The following ATP5F1D variants were observed in gnomAD, a reference collection of about 807,000 sequenced individuals.
The protein encoded by ATP5F1D is ATP synthase F1 subunit delta.
In ATP5F1D, 16 loss-of-function variants were observed where a neutral mutation model predicts 13.0. The ratio of observed to expected loss-of-function variants is 1.23; its 90% confidence interval spans 0.83 to 1.87. The LOEUF (loss-of-function observed/expected upper bound fraction) is 1.87. ATP5F1D is among the 40% of genes most tolerant of loss of function. The probability of loss-of-function intolerance (pLI) is 0.00; values close to 1 mark genes in which losing one functional copy is unlikely to be tolerated. For missense variants in ATP5F1D, 294 were observed against 246.2 expected, an observed-to-expected ratio of 1.19 and a Z score of -1.30; for synonymous variants, 129 against 116.2, an observed-to-expected ratio of 1.11 and a Z score of -0.71.
chr19:1,242,199 C>G (rs887027872), intron 1 of ATP5F1D: 2 of 795,884 alleles, frequency 2.5e-6, no homozygotes, highest in African/African-American at 3.6e-5. Flanking sequence ...TAAGCGTCTC[C>G]TGGGTGCCCT....
chr19:1,244,074 T>C (rs894785935), intron 2 of ATP5F1D, 23 bp from the exon 3 acceptor site: 6 of 1,598,650 alleles, frequency 3.8e-6, no homozygotes, highest in Non-Finnish European at 5.1e-6. Flanking sequence ...GTCTCACGCC[T>C]TCCCCCCGCC....
chr19:1,242,472 C>A lies in ATP5F1D; in HGVS notation c.158C>A (p.Ala53Asp). 6.5e-7 allele frequency: 1 copy of A among 1,532,048 alleles called. No individual in the cohort carries two copies. Among genetic ancestry groups the A allele is most frequent in the South Asian group, 1.2e-5 (1 of 82,384 alleles). 94.9% of individuals were successfully genotyped at this position (1,532,048 alleles called of 1,614,324 possible). A position where few individuals can be genotyped will look rare whatever the true frequency, so the allele number is the denominator to read the frequency against. ...ASPTQVFFNG[A>D]NVRQVDVPTL... ...TGTCTGCAGGTGTTCTTCAACGGTGCCAACGTCCGGCAGGTGGACGTGCCC... is the reference window on the plus strand; with the variant it reads ...TGTCTGCAGGTGTTCTTCAACGGTGACAACGTCCGGCAGGTGGACGTGCCC... Residue 53 changes from alanine (A) to aspartate (D), a missense_variant, in exon 2 of 4, where the codon GCC (alanine) becomes GAC (aspartate). By Grantham distance (126) the Ala-to-Asp change is moderately radical. Transcript: ENST00000215375.
At chr19:1,242,424 C>G (rs759809636) in intron 1 of ATP5F1D, 32 bp from the exon 2 acceptor site, 1 of 1,479,446 alleles carries the variant, frequency 6.8e-7, no homozygotes, top group South Asian at 1.3e-5. Context: ...GCCGGCCTGC[C>G]CCGCCATCAT....
At position 1,244,651 on chromosome 19, in the gene ATP5F1D, T is replaced by A. The variant is rs574201337; in HGVS notation, c.*214T>A. On this transcript the variant is annotated 3_prime_UTR_variant, in exon 4 of 4. Transcript: ENST00000215375. Reference sequence around the variant, plus strand: ...GGGAAGCTCCTCCTCAGCTTTGAGCTGTGGCTGCCACCCATGGGGCTCTCC... The same window carrying A: ...GGGAAGCTCCTCCTCAGCTTTGAGCAGTGGCTGCCACCCATGGGGCTCTCC... 1 of 712,812 alleles carries A rather than the reference T, an allele frequency of 1.4e-6. No individual in the cohort carries two copies. The highest frequency in any genetic ancestry group is 1.8e-5 in the African/African-American group (1 of 55,630). The allele number at this position is 712,812 out of a possible 1,614,324, so 44.2% of individuals were successfully genotyped here. A position where few individuals can be genotyped will look rare whatever the true frequency, so the allele number is the denominator to read the frequency against.
intron 2 of ATP5F1D, among the ~76,000 whole-genome samples, chr19:1,243,637 C>A (rs2081048226): frequency 6.6e-6 from 1 of 152,116 alleles, no homozygotes; most frequent in Non-Finnish European, 1.5e-5. Flanking sequence ...GCCTGAGCAA[C>A]AAGAGTGAGA....
At chr19:1,242,257 C>G (rs1248966137) in intron 1 of ATP5F1D, 199 bp from the exon 2 acceptor site, 8 of 783,544 alleles carry the variant, frequency 1.0e-5, no homozygotes, top group Non-Finnish European at 3.6e-6. Flanking sequence ...TCGTTGCATT[C>G]CCATTTCGCG....
In ATP5F1D at chr19:1,244,784, A is replaced by G; in HGVS notation, c.*347A>G. The stretch of plus-strand genomic sequence containing the variant: ...CAGCTTCGGAGCCACCTCTGGATGA[A>G]CTGCCCCCAGCCCCCGCCCCATTAA... On this transcript the variant is annotated 3_prime_UTR_variant, in exon 4 of 4. Coordinates refer to ENST00000215375, the MANE Select transcript of ATP5F1D (RefSeq NM_001687.5). The G allele has an allele frequency of 8.0e-6, 2 of 250,210 alleles. No homozygotes were observed. The highest frequency in any genetic ancestry group is 6.1e-5 in the South Asian group (1 of 16,430). 15.5% of individuals were successfully genotyped at this position (250,210 alleles called of 1,614,324 possible). A position where few individuals can be genotyped will look rare whatever the true frequency, so the allele number is the denominator to read the frequency against.
chr19:1,243,962 T>C (rs770872260), intron 2 of ATP5F1D, 135 bp from the exon 3 acceptor site: 16 of 901,696 alleles, frequency 1.8e-5, no homozygotes, highest in Non-Finnish European at 2.7e-5. Flanking sequence ...GTGGGTCTGT[T>C]TGCACACTCA....
In ATP5F1D at chr19:1,244,662, C is replaced by T. The variant is rs2081054823; in HGVS notation, c.*225C>T. ...CCTCAGCTTTGAGCTGTGGCTGCCA[C>T]CCATGGGGCTCTCCTTCCGCCTCTC... On this transcript the variant is annotated 3_prime_UTR_variant, in exon 4 of 4. Coordinates refer to ENST00000215375, the MANE Select transcript of ATP5F1D (RefSeq NM_001687.5). 1.6e-6 allele frequency: 1 copy of T among 642,050 alleles called. No individual in the cohort carries two copies. The highest frequency in any genetic ancestry group is 2.6e-6 in the Non-Finnish European group (1 of 389,972). 39.8% of individuals were successfully genotyped at this position (642,050 alleles called of 1,614,324 possible).
Position 1,241,901 on chromosome 19 carries a change from C to T in ATP5F1D, c.51C>T (p.Arg17=). ...GCCCGGGACTTGGCCGCCTCGTCCG[C>T]CACGCCCGTGCCTATGCCGAGGCCG... ...LRRPGLGRLV[R]HARAYAEAAA... The change falls in exon 1 of 4, where the codon CGC becomes CGT. Residue 17 remains arginine (R), a synonymous_variant. Coordinates refer to ENST00000215375, the MANE Select transcript of ATP5F1D (RefSeq NM_001687.5). 1 of 1,471,674 alleles carries T rather than the reference C, an allele frequency of 6.8e-7. No homozygotes were observed. 91.2% of individuals were successfully genotyped at this position (1,471,674 alleles called of 1,614,324 possible).
At chr19:1,244,013 G>A (rs2081049978) in intron 2 of ATP5F1D, 84 bp from the exon 3 acceptor site, 3 of 1,351,838 alleles carry the variant, frequency 2.2e-6, no homozygotes, top group Non-Finnish European at 3.1e-6. Flanking sequence ...TGGTTCACAG[G>A]GGGCTCTGGA....
chr19:1,242,064 G>T, intron 1 of ATP5F1D, 73 bp downstream of exon 1: 1 of 1,292,578 alleles, frequency 7.7e-7, no homozygotes, highest in South Asian at 2.6e-5. Context: ...CCCAGGGCGC[G>T]ACCCCCGCTT....
At chr19:1,242,088 C>G in intron 1 of ATP5F1D, 97 bp downstream of exon 1, 2 of 1,248,546 alleles carry the variant, frequency 1.6e-6, no homozygotes, top group Non-Finnish European at 2.0e-6. Flanking sequence ...GGCCCCCGGA[C>G]CCGCGCGCCC....
Position 1,242,515 on chromosome 19 carries a change from C to A in ATP5F1D, c.201C>A (p.Phe67Leu). The A allele has an allele frequency of 6.4e-7, 1 of 1,551,764 alleles. No homozygotes were observed. The highest frequency in any genetic ancestry group is 8.7e-7 in the Non-Finnish European group (1 of 1,148,060). ...QVDVPTLTGA[F>L]GILAAHVPTL... is the part of the protein sequence containing the mutation. The stretch of plus-strand genomic sequence containing the variant: ...ACGTGCCCACGCTGACCGGAGCCTT[C>A]GGCATCCTGGCGGCCCACGTGCCCA... The change falls in exon 2 of 4, where the codon TTC becomes TTA. Residue 67 changes from phenylalanine (F) to leucine (L), a missense_variant. Phe to Leu is a conservative substitution (Grantham distance 22). Coordinates refer to ENST00000215375, the MANE Select transcript of ATP5F1D (RefSeq NM_001687.5).
At position 1,244,310 on chromosome 19, in the gene ATP5F1D, T is replaced by C. The variant is rs371298161; in HGVS notation, c.385-5T>C. ...GGCCCCTCACCGCCCCTCAACCCCTTGCAGGCAGCCAAGGCAAACTTGGAG... is the reference window on the plus strand; with the variant it reads ...GGCCCCTCACCGCCCCTCAACCCCTCGCAGGCAGCCAAGGCAAACTTGGAG... On this transcript the variant is annotated splice_region_variant and splice_polypyrimidine_tract_variant and intron_variant, in intron 3 of 3. Transcript: ENST00000215375. The C allele has an allele frequency of 5.6e-6, 9 of 1,593,020 alleles. No individual in the cohort carries two copies. Among genetic ancestry groups the C allele is most frequent in the South Asian group, 4.5e-5 (4 of 88,106 alleles).
chr19:1,242,240 C>A, intron 1 of ATP5F1D: 1 of 764,482 alleles, frequency 1.3e-6, no homozygotes, highest in Non-Finnish European at 1.8e-6. Context: ...GCCTGGGTGT[C>A]GCCGGATCGT....
intron 2 of ATP5F1D, chr19:1,243,417 C>T (rs1005070548): frequency 6.6e-6 from 1 of 152,066 alleles, no homozygotes; most frequent in Non-Finnish European, 1.5e-5. Context: ...GTAATCCTAG[C>T]ACTTTGGAAG....
intron 2 of ATP5F1D, 62 bp downstream of exon 2, chr19:1,242,671 T>C: frequency 7.1e-7 from 1 of 1,408,696 alleles, no homozygotes. Flanking sequence ...CAGGTCAGTC[T>C]CCGTCTCAGT....
Position 1,241,933 on chromosome 19 carries a change from C to T in ATP5F1D, c.83C>T (p.Ala28Val), listed in dbSNP as rs199988557. ...CGTGCCTATGCCGAGGCCGCCGCCGCCCCGGCTGCCGCCTCTGGCCCCAAC... is the reference window on the plus strand; with the variant it reads ...CGTGCCTATGCCGAGGCCGCCGCCGTCCCGGCTGCCGCCTCTGGCCCCAAC... ...HARAYAEAAA[A>V]PAAASGPNQM... The change falls in exon 1 of 4, where the codon GCC (alanine) becomes GTC (valine). Residue 28 changes from alanine (A) to valine (V), a missense_variant. Physicochemically the swap from Ala to Val is moderately conservative, Grantham distance 64. Coordinates refer to ENST00000215375, the MANE Select transcript of ATP5F1D (RefSeq NM_001687.5). The T allele has an allele frequency of 5.7e-5, 86 of 1,497,300 alleles. No individual in the cohort carries two copies. In the African/African-American group the frequency reaches 1.0e-3, roughly 18 times the overall value. 92.8% of individuals were successfully genotyped at this position (1,497,300 alleles called of 1,614,324 possible).
Sources: gnomAD v4.1 joint callset for allele counts (sites outside exome capture counted in the v4.1 genomes callset) on GRCh38, gnomAD v4.1.1 for gene constraint, MANE v1.5 for transcripts, NCBI Gene and HGNC (gene_info 2026-07-23, HGNC 2026-07-21) for gene names.